RFTN2: variants seen among roughly 807,000 people sequenced by gnomAD.
The protein encoded by RFTN2 is raftlin family member 2, also known as raftlin-2.
RFTN2 carries 34 observed loss-of-function variants against 52.7 expected under a neutral mutation model. The observed-to-expected ratio is 0.64, with a 90% CI of 0.49 to 0.86. The LOEUF is 0.86. RFTN2 is among the 40% of genes least tolerant of loss of function. The pLI, the probability that RFTN2 is intolerant of heterozygous loss-of-function variation, is 0.00. For synonymous variants in RFTN2, 203 were observed against 217.7 expected (o/e 0.93, Z 0.59); for missense variants, 536 against 600.1 (o/e 0.89, Z 1.12).
intron 5 of RFTN2, among the ~76,000 whole-genome samples, chr2:197,619,229 C>T (rs572096581): frequency 1.3e-5 from 2 of 152,154 alleles, no homozygotes; most frequent in African/African-American, 4.8e-5. Flanking sequence ...GCCACCACCC[C>T]GTCTGGGAGG....
chr2:197,659,253 C>T (rs1052873673), intron 1 of RFTN2, among the ~76,000 whole-genome samples: 1 of 152,048 alleles, frequency 6.6e-6, no homozygotes, highest in Non-Finnish European at 1.5e-5. Flanking sequence ...GTAATCCCAA[C>T]ACTTTGGGAG....
chr2:197,591,526 C>T (rs2106182604), intron 8 of RFTN2, among the ~76,000 whole-genome samples: 1 of 152,366 alleles, frequency 6.6e-6, no homozygotes, highest in Middle Eastern at 3.4e-3. Context: ...GCAGGTGGAG[C>T]TGTCTGCCAG....
At chr2:197,616,426 G>A (rs1220970603) in intron 6 of RFTN2, among the ~76,000 whole-genome samples, 1 of 151,802 alleles carries the variant, frequency 6.6e-6, no homozygotes, top group African/African-American at 2.4e-5. Flanking sequence ...TGAGTAACTG[G>A]GACTACAGGT....
chr2:197,587,502 T>C (rs1574683289), intron 8 of RFTN2, among the ~76,000 whole-genome samples: 1 of 151,728 alleles, frequency 6.6e-6, no homozygotes, highest in South Asian at 2.1e-4. Flanking sequence ...GCTCAGAAGT[T>C]CCCCCACTGA....
At chr2:197,587,774 C>T (rs1225478627) in intron 8 of RFTN2, among the ~76,000 whole-genome samples, 1 of 152,188 alleles carries the variant, frequency 6.6e-6, no homozygotes, top group African/African-American at 2.4e-5. Flanking sequence ...ACCTCTCCTA[C>T]CCCACCCTCA....
At chr2:197,669,903 C>A (rs552000009) in intron 1 of RFTN2, among the ~76,000 whole-genome samples, 1 of 152,124 alleles carries the variant, frequency 6.6e-6, no homozygotes, top group African/African-American at 2.4e-5. Flanking sequence ...TCCGTAATAC[C>A]CTGATTTTTA....
chr2:197,608,732 G>A (rs759780947), intron 7 of RFTN2, among the ~76,000 whole-genome samples: 5 of 149,142 alleles, frequency 3.4e-5, no homozygotes, highest in East Asian at 2.0e-4. Context: ...TGCTGCACCC[G>A]TCAAATCATC....
intron 3 of RFTN2, among the ~76,000 whole-genome samples, chr2:197,637,574 A>C (rs796658372): frequency 6.4e-4 from 97 of 152,136 alleles, no homozygotes; most frequent in South Asian, 4.8e-3. Context: ...TTTCTGTGGG[A>C]TTGGTGGTGA....
intron 8 of RFTN2, among the ~76,000 whole-genome samples, chr2:197,583,962 C>T (rs531647294): frequency 1.2e-3 from 92 of 74,066 alleles, no homozygotes; most frequent in African/African-American, 6.9e-3. Flanking sequence ...TGAAATCATC[C>T]TTTTTTATGG....
Position 197,594,692 on chromosome 2 carries a change from T to C in RFTN2, c.1233+1299A>G, listed in dbSNP as rs576693517. On this transcript the variant is annotated intron_variant, in intron 8 of 8. Transcript: ENST00000295049. ...AGTCATCCTCATTGTTGTGGAGGGT[T>C]GCAGTGCTCACTTGTGGGCTTTAAT... is the stretch of plus-strand genomic sequence containing the variant. Among the ~76,000 whole-genome samples the C allele has an allele frequency of 2.3e-3, 354 of 152,312 alleles. 1 individual carries two copies. Among genetic ancestry groups the C allele is most frequent in the Non-Finnish European group, 4.1e-3 (278 of 68,020 alleles).
chr2:197,636,849 C>T (rs1016779767), intron 3 of RFTN2, among the ~76,000 whole-genome samples: 1 of 149,326 alleles, frequency 6.7e-6, no homozygotes, highest in African/African-American at 2.4e-5. Context: ...CAGTTTTTGC[C>T]CATTTAGTAT....
chr2:197,593,967 G>A (rs1452469488), intron 8 of RFTN2, among the ~76,000 whole-genome samples: 1 of 151,206 alleles, frequency 6.6e-6, no homozygotes, highest in African/African-American at 2.4e-5. Flanking sequence ...ACTTTTTCTG[G>A]CCATTCTCTG....
At chr2:197,583,710 T>A (rs564724903) in intron 8 of RFTN2, among the ~76,000 whole-genome samples, 10 of 152,018 alleles carry the variant, frequency 6.6e-5, no homozygotes, top group African/African-American at 2.2e-4. Context: ...ACATGTGCCA[T>A]GTTGGTGTGC....
intron 5 of RFTN2, among the ~76,000 whole-genome samples, chr2:197,626,977 G>C (rs1343281997): frequency 6.6e-6 from 1 of 152,140 alleles, no homozygotes; most frequent in Non-Finnish European, 1.5e-5. Flanking sequence ...AATGCAAAAT[G>C]CTTAGCACAA....
intron 8 of RFTN2, among the ~76,000 whole-genome samples, chr2:197,581,620 G>A (rs2087512075): frequency 6.6e-6 from 1 of 151,994 alleles, no homozygotes; most frequent in South Asian, 2.1e-4. Flanking sequence ...ACACCCTCCT[G>A]CTTCTTCAAC....
At chr2:197,648,002 A>G (rs969988542) in intron 1 of RFTN2, among the ~76,000 whole-genome samples, 9 of 152,252 alleles carry the variant, frequency 5.9e-5, no homozygotes, top group African/African-American at 2.2e-4. Flanking sequence ...CTAGAAATAG[A>G]CCTGCATTTT....
intron 7 of RFTN2, among the ~76,000 whole-genome samples, chr2:197,603,260 C>T (rs2087907965): frequency 6.6e-6 from 1 of 152,126 alleles, no homozygotes; most frequent in Admixed American, 6.5e-5. Context: ...CCTTTCTACA[C>T]TAACTTCAAT....
At chr2:197,664,275 C>T (rs58621102) in intron 1 of RFTN2, among the ~76,000 whole-genome samples, 70,564 of 151,312 alleles carry the variant, frequency 0.47, 16,808 homozygotes, top group Middle Eastern at 0.57. Context: ...GAGTTCAAGA[C>T]CAGCCTGGGC....
chr2:197,591,969 C>T (rs1164467074), intron 8 of RFTN2, among the ~76,000 whole-genome samples: 1 of 152,110 alleles, frequency 6.6e-6, no homozygotes, highest in African/African-American at 2.4e-5. Context: ...CCGAGGGAGC[C>T]GGCTCTGGCC....
Sources: gnomAD v4.1 joint callset for allele counts (sites outside exome capture counted in the v4.1 genomes callset) on GRCh38, gnomAD v4.1.1 for gene constraint, MANE v1.5 for transcripts, NCBI Gene and HGNC (gene_info 2026-07-23, HGNC 2026-07-21) for gene names.